The following SSBP2 variants were observed in gnomAD, a reference collection of about 807,000 sequenced individuals.
SSBP2 encodes single stranded DNA binding protein 2.
SSBP2 carries 17 observed loss-of-function variants against 61.8 expected under a neutral mutation model. The observed-to-expected ratio is 0.28, with a 90% CI of 0.19 to 0.41. The LOEUF (loss-of-function observed/expected upper bound fraction) is 0.41. SSBP2 is among the 10% of genes least tolerant of loss of function. SSBP2 has a pLI of 1.00. For missense variants in SSBP2, 310 were observed against 458.7 expected, an observed-to-expected ratio of 0.68 and a Z score of 2.96; for synonymous variants, 139 against 141.3, an observed-to-expected ratio of 0.98 and a Z score of 0.12.
chr5:81,716,452 T>G (rs1168186355), intron 1 of SSBP2, among the ~76,000 whole-genome samples: 1 of 152,180 alleles, frequency 6.6e-6, no homozygotes, highest in African/African-American at 2.4e-5. Context: ...TGCAAACTGC[T>G]CAAAGAAACC....
intron 2 of SSBP2, among the ~76,000 whole-genome samples, chr5:81,645,819 C>CT (rs1186407908): frequency 2.0e-5 from 3 of 152,100 alleles, no homozygotes; most frequent in Non-Finnish European, 2.9e-5. Flanking sequence ...TGAAAAGTCA[C>CT]ATAAACTACA....
intron 8 of SSBP2, among the ~76,000 whole-genome samples, chr5:81,472,377 T>C (rs559955694): frequency 3.1e-4 from 47 of 152,274 alleles, no homozygotes; most frequent in African/African-American, 1.0e-3. Context: ...TTCTGGGAAA[T>C]TTTATAGAGA....
intron 4 of SSBP2, among the ~76,000 whole-genome samples, chr5:81,553,033 TC>T (rs1179097794): frequency 1.3e-5 from 2 of 152,124 alleles, no homozygotes; most frequent in East Asian, 3.9e-4. Context: ...ATAATGAGAC[TC>T]CATGACTGCT....
At chr5:81,681,648 C>G (rs1235311674) in intron 1 of SSBP2, among the ~76,000 whole-genome samples, 1 of 151,688 alleles carries the variant, frequency 6.6e-6, no homozygotes, top group East Asian at 1.9e-4. Flanking sequence ...AATCAATAAT[C>G]TTAGCTTTCA....
intron 4 of SSBP2, among the ~76,000 whole-genome samples, chr5:81,586,482 G>A (rs1039552683): frequency 6.6e-6 from 1 of 152,074 alleles, no homozygotes; most frequent in African/African-American, 2.4e-5. Context: ...AAGCCAATCA[G>A]TAAAAGGAAG....
At chr5:81,692,294 C>T (rs1753269343) in intron 1 of SSBP2, among the ~76,000 whole-genome samples, 1 of 151,878 alleles carries the variant, frequency 6.6e-6, no homozygotes, top group African/African-American at 2.4e-5. Context: ...TAGGAATTAA[C>T]CAAAGAAGCG....
rs560071974 is a variant in SSBP2, at chr5:81,592,532, C to T, written c.282+22941G>A. Among the ~76,000 whole-genome samples the T allele has an allele frequency of 2.0e-5, 3 of 152,318 alleles. No homozygotes were observed. The South Asian group carries it at 6.2e-4, about 32-fold the overall frequency. On this transcript the variant is annotated intron_variant, in intron 4 of 16. Transcript: ENST00000320672. ...ATGCAGCTTGAGATCTGAGAATGGG[C>T]AGACTGCCTCCTCAAGTGGGTCCCT...
intron 2 of SSBP2, among the ~76,000 whole-genome samples, chr5:81,644,731 A>C (rs1269919211): frequency 6.6e-6 from 1 of 152,218 alleles, no homozygotes. Flanking sequence ...CATAAGAGGG[A>C]GAACCAGAGT....
At chr5:81,493,251 C>CAGATAGATAGATAGACAGATAGAT (rs371932100) in intron 5 of SSBP2, among the ~76,000 whole-genome samples, 2 of 145,520 alleles carry the variant, frequency 1.4e-5, no homozygotes, top group Admixed American at 6.9e-5. Context: ...ATGAACAAAA[C>CAGATAGATAGATAGACAGATAGAT]AGATAGATAG....
chr5:81,678,114 G>A (rs1367204973), intron 1 of SSBP2, among the ~76,000 whole-genome samples: 7 of 151,962 alleles, frequency 4.6e-5, no homozygotes, highest in Non-Finnish European at 1.0e-4. Context: ...ATCCAATCAG[G>A]AATTTTCTTA....
chr5:81,617,869 G>A (rs1746207878), intron 3 of SSBP2, among the ~76,000 whole-genome samples: 1 of 128,734 alleles, frequency 7.8e-6, no homozygotes, highest in African/African-American at 3.0e-5. Context: ...ATAAGTGAAG[G>A]AGAAATAAAA....
intron 1 of SSBP2, among the ~76,000 whole-genome samples, chr5:81,712,021 A>T (rs962262117): frequency 1.3e-4 from 20 of 151,778 alleles, no homozygotes; most frequent in African/African-American, 4.4e-4. Context: ...CTAGTATTAT[A>T]GTTTAAACAC....
At chr5:81,446,984 G>T in intron 11 of SSBP2, 62 bp from the exon 12 acceptor site, 1 of 1,210,928 alleles carries the variant, frequency 8.3e-7, no homozygotes, top group Non-Finnish European at 1.2e-6. Flanking sequence ...ACAGAAGTTA[G>T]ACTTATATCT....
At chr5:81,432,301 T>C (rs1022860519) in intron 15 of SSBP2, among the ~76,000 whole-genome samples, 21 of 152,162 alleles carry the variant, frequency 1.4e-4, no homozygotes, top group African/African-American at 4.6e-4. Context: ...GGGGTCAGAA[T>C]GCTTCAGGTT....
intron 1 of SSBP2, among the ~76,000 whole-genome samples, chr5:81,664,520 C>T (rs562349192): frequency 6.6e-6 from 1 of 152,180 alleles, no homozygotes; most frequent in Non-Finnish European, 1.5e-5. Context: ...TCAGACCACA[C>T]ATAGGCATTT....
At chr5:81,697,225 T>TA (rs1254447684) in intron 1 of SSBP2, among the ~76,000 whole-genome samples, 3 of 152,226 alleles carry the variant, frequency 2.0e-5, no homozygotes, top group Non-Finnish European at 2.9e-5. Context: ...TAAGATAACT[T>TA]AAAGTGATAA....
At chr5:81,441,990 C>G (rs142966911) in intron 13 of SSBP2, among the ~76,000 whole-genome samples, 1 of 152,184 alleles carries the variant, frequency 6.6e-6, no homozygotes, top group African/African-American at 2.4e-5. Context: ...TATGTTTGGT[C>G]AGTTTAACAT....
At chr5:81,459,274 C>G (rs1764377199) in intron 10 of SSBP2, among the ~76,000 whole-genome samples, 1 of 152,180 alleles carries the variant, frequency 6.6e-6, no homozygotes, top group African/African-American at 2.4e-5. Flanking sequence ...GCTCCCCTCT[C>G]ATCTATACTG....
At chr5:81,730,835 G>A (rs1012131379) in intron 1 of SSBP2, among the ~76,000 whole-genome samples, 3 of 152,174 alleles carry the variant, frequency 2.0e-5, no homozygotes, top group Admixed American at 1.3e-4. Context: ...GATGAGAGAT[G>A]AGCCAAATGA....
Sources: gnomAD v4.1 joint callset for allele counts (sites outside exome capture counted in the v4.1 genomes callset) on GRCh38, gnomAD v4.1.1 for gene constraint, MANE v1.5 for transcripts, NCBI Gene and HGNC (gene_info 2026-07-23, HGNC 2026-07-21) for gene names.